Variants in TG observed in about 807,000 individuals in gnomAD.
TG encodes thyroid hormones.
TG carries 270 observed loss-of-function variants against 324.7 expected under a neutral mutation model. The observed-to-expected ratio is 0.83, with a 90% CI of 0.75 to 0.92. The LOEUF (loss-of-function observed/expected upper bound fraction) is 0.92, where lower values mean the gene tolerates loss of function less well. TG is among the 40% of genes least tolerant of loss of function. The pLI, the probability that TG is intolerant of heterozygous loss-of-function variation, is 0.00. For missense variants in TG, 3,591 were observed against 3,456.4 expected, an observed-to-expected ratio of 1.04 and a Z score of -0.98; for synonymous variants, 1,401 against 1,327.0, an observed-to-expected ratio of 1.06 and a Z score of -1.21.
At chr8:133,027,116 T>A (rs1323735672) in intron 40 of TG, among the ~76,000 whole-genome samples, 1 of 152,234 alleles carries the variant, frequency 6.6e-6, no homozygotes, top group Non-Finnish European at 1.5e-5. Context: ...GCACTGCCTC[T>A]TGTTGATGTT....
At chr8:132,886,369 C>T in intron 8 of TG, 79 bp from the exon 9 acceptor site, 1 of 1,587,864 alleles carries the variant, frequency 6.3e-7, no homozygotes, top group South Asian at 1.1e-5. Flanking sequence ...CTTCTTACTA[C>T]CTAAAGGATC....
intron 35 of TG, among the ~76,000 whole-genome samples, chr8:133,007,688 T>G (rs1445720173): frequency 6.6e-6 from 1 of 152,132 alleles, no homozygotes; most frequent in Non-Finnish European, 1.5e-5. Context: ...CTTGAATTTA[T>G]AATTTTATGA....
rs1835182744 is a variant in TG, at chr8:133,017,848, C to T, written c.6633C>T (p.Gly2211=). The change falls in exon 38 of 48, where the codon GGC becomes GGT. Residue 2211 remains glycine, a synonymous_variant. Coordinates refer to ENST00000220616, the MANE Select transcript of TG (RefSeq NM_003235.5). ...TTTCCACCCATGGCCGGCTGCTGGGCAGGTCCCAGGCCATCCAGGTGGGTA... is the reference window on the plus strand; with the variant it reads ...TTTCCACCCATGGCCGGCTGCTGGGTAGGTCCCAGGCCATCCAGGTGGGTA... ...VPISTHGRLL[G]RSQAIQVGTS... is the part of the protein sequence containing the mutation. The T allele has an allele frequency of 4.3e-6, 7 of 1,614,174 alleles. No homozygotes were observed. Among genetic ancestry groups the T allele is most frequent in the Non-Finnish European group, 4.2e-6 (5 of 1,180,026 alleles).
intron 10 of TG, among the ~76,000 whole-genome samples, chr8:132,890,894 T>C (rs1452338804): frequency 1.3e-5 from 2 of 152,158 alleles, no homozygotes; most frequent in Non-Finnish European, 2.9e-5. Flanking sequence ...CTGTTTGAAA[T>C]TTTGCTTGCT....
At position 132,881,879 on chromosome 8, in the gene TG, G is replaced by C; in HGVS notation, c.655G>C (p.Val219Leu). The C allele has an allele frequency of 6.2e-7, 1 of 1,613,528 alleles. No homozygotes were observed. Among genetic ancestry groups the C allele is most frequent in the Non-Finnish European group, 8.5e-7 (1 of 1,179,398 alleles). ...CTCTCCAAGGTTTCCAGATGCATTT[G>C]TGACCTTCAGTTCCTTCCAGAGGAG... ...HSYNRFPDAF[V>L]TFSSFQRRFP... The change falls in exon 6 of 48, where the codon GTG (valine) becomes CTG (leucine). Residue 219 changes from valine (V) to leucine (L), a missense_variant. Coordinates refer to ENST00000220616, the MANE Select transcript of TG (RefSeq NM_003235.5).
chr8:133,102,529 A>G (rs79243630), intron 43 of TG: 87,344 of 1,550,770 alleles, frequency 0.056, 2,868 homozygotes, highest in Middle Eastern at 0.073. Flanking sequence ...GGGGGTCCCA[A>G]TGACAGCAAA....
intron 45 of TG, among the ~76,000 whole-genome samples, chr8:133,130,864 C>T (rs1361586488): frequency 6.6e-6 from 1 of 150,404 alleles, no homozygotes; most frequent in Admixed American, 6.5e-5. Context: ...TTTCATCCCA[C>T]TGTGAGGAGA....
At chr8:132,967,771 TCA>T in intron 30 of TG, 21 bp from the exon 31 acceptor site, 1 of 1,612,972 alleles carries the variant, frequency 6.2e-7, no homozygotes, top group Non-Finnish European at 8.5e-7. Context: ...AAAACTAAAA[TCA>T]CACTACTCTC....
chr8:133,051,047 C>T (rs1021509097), intron 41 of TG: 24 of 624,952 alleles, frequency 3.8e-5, no homozygotes, highest in Non-Finnish European at 8.6e-6. Flanking sequence ...TTTGAACCAC[C>T]AATTTACAGC....
chr8:133,108,460 T>C (rs1055831899), intron 43 of TG, among the ~76,000 whole-genome samples: 1 of 152,124 alleles, frequency 6.6e-6, no homozygotes, highest in Non-Finnish European at 1.5e-5. Flanking sequence ...ACAAAGACAA[T>C]AGACACAGTG....
chr8:132,898,216 C>A lies in TG; in HGVS notation c.3187C>A (p.Leu1063Met), dbSNP rs11992497. 1.6e-3 allele frequency: 2,592 copies of A among 1,605,072 alleles called. 47 individuals carry two copies. The African/African-American group carries it at 0.03, about 18-fold the overall frequency. Residue 1063 changes from leucine (L) to methionine (M), a missense_variant, in exon 13 of 48, where the codon CTG becomes ATG. Coordinates refer to ENST00000220616, the MANE Select transcript of TG (RefSeq NM_003235.5). The stretch of plus-strand genomic sequence containing the variant: ...GAAAGGAGGGTTCATCCCTGGCTCA[C>A]TGACTGCCCGCTCTCTGCAGATTCC... ...DEKGGFIPGSLTARSLQIPQC... is the reference protein window; with the variant it reads ...DEKGGFIPGSMTARSLQIPQC...
intron 35 of TG, among the ~76,000 whole-genome samples, 183 bp from the exon 36 acceptor site, chr8:133,011,718 A>G (rs1834523346): frequency 6.6e-6 from 1 of 152,218 alleles, no homozygotes. Context: ...AATCTGGCTC[A>G]TAAATAATTC....
chr8:133,021,655 AG>A (rs1835575161), intron 39 of TG, among the ~76,000 whole-genome samples: 1 of 152,180 alleles, frequency 6.6e-6, no homozygotes, highest in Non-Finnish European at 1.5e-5. Context: ...CTTGGCTTGT[AG>A]ATGTTCCTTT....
chr8:133,045,551 C>A lies in TG; in HGVS notation c.7239+15528C>A, dbSNP rs530158376. Among the ~76,000 whole-genome samples, 6 of 151,946 alleles carry A rather than the reference C, an allele frequency of 3.9e-5. No homozygotes were observed. In the East Asian group the frequency reaches 5.8e-4, roughly 15 times the overall value. ...CTGGGACTACAGGCATGCGCCACCA[C>A]GCCCAGTTAATTCTTTTATTTTTTG... On this transcript the variant is annotated intron_variant, in intron 41 of 47. Coordinates refer to ENST00000220616, the MANE Select transcript of TG (RefSeq NM_003235.5).
rs1232869447 is a variant in TG at position 132,906,908 on chromosome 8, G to A, written c.3847+8G>A. 1 of 1,606,286 alleles carries A rather than the reference G, an allele frequency of 6.2e-7. No homozygotes were observed. The highest frequency in any genetic ancestry group is 8.5e-7 in the Non-Finnish European group (1 of 1,176,542). ...AGCCCCGGGCCTGCCAACGTGAGTG[G>A]CATCAGAGCATCTATCCTGCACCCC... On this transcript the variant is annotated splice_region_variant and intron_variant, in intron 17 of 47. Coordinates refer to ENST00000220616, the MANE Select transcript of TG (RefSeq NM_003235.5).
chr8:132,947,173 G>A (rs1012352018), intron 26 of TG, among the ~76,000 whole-genome samples: 25 of 152,166 alleles, frequency 1.6e-4, no homozygotes, highest in African/African-American at 5.3e-4. Flanking sequence ...TCTGTGCCTC[G>A]GTTTCCCCAT....
Position 132,887,022 on chromosome 8 carries a change from C to G in TG, c.1650C>G (p.Gly550=), listed in dbSNP as rs1314732470. 1 of 1,614,216 alleles carries G rather than the reference C, an allele frequency of 6.2e-7. No individual in the cohort carries two copies. Residue 550 remains glycine (G), a synonymous_variant, in exon 9 of 48, where the codon GGC becomes GGG. Coordinates refer to ENST00000220616, the MANE Select transcript of TG (RefSeq NM_003235.5). ...GTACTATGAATAAGCCAACTGTGGG[C>G]AGCTTTGGCTTTGAAATTAACCTAC... ...KDGTMNKPTV[G]SFGFEINLQE... is the part of the protein sequence containing the mutation.
chr8:132,883,051 G>A (rs778550325), intron 8 of TG, 52 bp downstream of exon 8: 1 of 1,587,598 alleles, frequency 6.3e-7, no homozygotes, highest in Non-Finnish European at 8.6e-7. Context: ...TATTACTTTG[G>A]CGGTCCTCCA....
At chr8:133,000,009 A>T (rs142609788) in intron 35 of TG, among the ~76,000 whole-genome samples, 5 of 152,238 alleles carry the variant, frequency 3.3e-5, no homozygotes, top group African/African-American at 1.2e-4. Flanking sequence ...TACTATTAAC[A>T]TTCACTCTTA....
Sources: allele counts gnomAD v4.1 joint callset (sites outside exome capture counted in the v4.1 genomes callset), GRCh38; gene constraint gnomAD v4.1.1; transcripts MANE v1.5; gene names NCBI Gene and HGNC (gene_info 2026-07-23, HGNC 2026-07-21).